PPP4R3B: variants seen among roughly 807,000 people sequenced by gnomAD.
The protein encoded by PPP4R3B is serine/threonine-protein phosphatase 4 regulatory subunit 3B.
In PPP4R3B, 52 loss-of-function variants were observed where a neutral mutation model predicts 95.4. The ratio of observed to expected loss-of-function variants is 0.54; its 90% CI spans 0.44 to 0.69. The LOEUF is 0.69. Ranked by LOEUF, PPP4R3B falls within the 30% of genes least tolerant of loss-of-function variation. The pLI, the probability that PPP4R3B is intolerant of heterozygous loss-of-function variation, is 0.00. For missense variants in PPP4R3B, 1,003 were observed against 1,005.9 expected (o/e 1.00, Z 0.04); for synonymous variants, 407 against 343.9 (o/e 1.18, Z -2.03).
chr2:55,564,397 T>C lies in PPP4R3B; in HGVS notation c.2176A>G (p.Lys726Glu). 2 of 1,613,964 alleles carry C rather than the reference T, an allele frequency of 1.2e-6. No homozygotes were observed. The highest frequency in any genetic ancestry group is 1.7e-6 in the Non-Finnish European group (2 of 1,179,916). ...TTTTCCACTGGTGCCACAACTGCTT[T>C]TCCTTCCTCTTCTTCATCTTCATTA... ...WFNEDEEEEG[K>E]AVVAPVEKPK... Residue 726 changes from lysine (K) to glutamate (E), a missense_variant, in exon 15 of 17, where the codon AAA becomes GAA. Lys to Glu is a moderately conservative substitution (Grantham distance 56). Transcript: ENST00000616407.
rs548269375 is a variant in PPP4R3B at position 55,581,096 on chromosome 2, T to C, written c.1365+471A>G. 1.6e-4 allele frequency among the ~76,000 whole-genome samples: 25 copies of C among 151,968 alleles called. 1 individual carries two copies. The East Asian group carries it at 4.6e-3, about 28-fold the overall frequency. On this transcript the variant is annotated intron_variant, in intron 8 of 16. Coordinates refer to ENST00000616407, the MANE Select transcript of PPP4R3B (RefSeq NM_001122964.3). ...GATGAAACCCCATCTCTACTAAAAA[T>C]ACAAAAATTAGCCAGGTGTGGTGGT...
intron 7 of PPP4R3B, among the ~76,000 whole-genome samples, chr2:55,582,867 G>C (rs1443197727): frequency 6.6e-6 from 1 of 152,008 alleles, no homozygotes; most frequent in Non-Finnish European, 1.5e-5. Flanking sequence ...TACTCATCCA[G>C]TCAGGTTCTG....
At chr2:55,595,599 T>G (rs1367863759) in intron 4 of PPP4R3B, among the ~76,000 whole-genome samples, 1 of 151,962 alleles carries the variant, frequency 6.6e-6, no homozygotes, top group Non-Finnish European at 1.5e-5. Context: ...GATCCAAAAT[T>G]TAAACTTTTA....
At chr2:55,571,012 T>C (rs755243292) in intron 12 of PPP4R3B, among the ~76,000 whole-genome samples, 12 of 152,144 alleles carry the variant, frequency 7.9e-5, no homozygotes, top group Non-Finnish European at 1.5e-4. Context: ...TATAAACATT[T>C]AAATATTGGA....
intron 16 of PPP4R3B, among the ~76,000 whole-genome samples, chr2:55,555,470 T>C (rs1051749438): frequency 6.6e-6 from 1 of 151,864 alleles, no homozygotes; most frequent in African/African-American, 2.4e-5. Context: ...AAAAAGCCCT[T>C]TGGGAGGCCG....
chr2:55,601,429 G>A (rs1422546920), intron 3 of PPP4R3B, among the ~76,000 whole-genome samples: 1 of 150,750 alleles, frequency 6.6e-6, no homozygotes, highest in Middle Eastern at 3.2e-3. Context: ...AGCCCAGGCT[G>A]GAGTGCAATG....
intron 13 of PPP4R3B, among the ~76,000 whole-genome samples, chr2:55,566,225 A>G (rs1251690329): frequency 6.6e-6 from 1 of 152,210 alleles, no homozygotes; most frequent in East Asian, 1.9e-4. Context: ...GTACTTCTCA[A>G]TTGAAAAAAA....
intron 2 of PPP4R3B, among the ~76,000 whole-genome samples, chr2:55,608,062 G>C: frequency 6.6e-6 from 1 of 152,298 alleles, no homozygotes; most frequent in Non-Finnish European, 1.5e-5. Flanking sequence ...TTGGAATGCA[G>C]TGGTGCAATC....
chr2:55,615,603 T>C, intron 1 of PPP4R3B, 97 bp from the exon 2 acceptor site: 1 of 777,752 alleles, frequency 1.3e-6, no homozygotes, highest in Non-Finnish European at 2.1e-6. Flanking sequence ...GGCTCACGTC[T>C]GTAATCCTAG....
At chr2:55,610,700 C>G (rs7562222) in intron 2 of PPP4R3B, among the ~76,000 whole-genome samples, 5 of 152,154 alleles carry the variant, frequency 3.3e-5, no homozygotes, top group South Asian at 4.1e-4. Context: ...AATGCTTTCA[C>G]GGGCTTTCAG....
chr2:55,571,200 C>T (rs1303559495), intron 12 of PPP4R3B, among the ~76,000 whole-genome samples: 1 of 151,860 alleles, frequency 6.6e-6, no homozygotes, highest in Non-Finnish European at 1.5e-5. Context: ...ATCCCAGCTA[C>T]TCGAAAGGCT....
At chr2:55,592,669 T>C (rs1297073960) in intron 4 of PPP4R3B, among the ~76,000 whole-genome samples, 1 of 152,172 alleles carries the variant, frequency 6.6e-6, no homozygotes, top group African/African-American at 2.4e-5. Flanking sequence ...GCTGGGCTAA[T>C]TTTAAGCTTA....
chr2:55,601,221 A>G (rs769392323), intron 3 of PPP4R3B, among the ~76,000 whole-genome samples: 10 of 151,704 alleles, frequency 6.6e-5, no homozygotes, highest in Admixed American at 2.0e-4. Flanking sequence ...TAGCTCAGTT[A>G]TAACAGATGC....
rs780417250 is a variant in PPP4R3B at position 55,579,756 on chromosome 2, T to C, written c.1391A>G (p.Asn464Ser). The change falls in exon 9 of 17, where the codon AAT becomes AGT. Residue 464 changes from asparagine (N) to serine (S), a missense_variant. Physicochemically the swap from Asn to Ser is conservative, Grantham distance 46 (BLOSUM62 1). Transcript: ENST00000616407. Reference sequence around the variant, plus strand: ...ATGCATACAATGGTTGTAGAAAAAATTTAGAAATTCACTTTTTTCGGTTTT... The same window carrying C: ...ATGCATACAATGGTTGTAGAAAAAACTTAGAAATTCACTTTTTTCGGTTTT... ...TNKTEKSEFL[N>S]FFYNHCMHVL... The C allele has an allele frequency of 6.2e-7, 1 of 1,606,550 alleles. No homozygotes were observed. The highest frequency in any genetic ancestry group is 1.1e-5 in the South Asian group (1 of 89,408).
At position 55,581,555 on chromosome 2, in the gene PPP4R3B, G is replaced by C; in HGVS notation, c.1365+12C>G. On this transcript the variant is annotated intron_variant, in intron 8 of 16. Transcript: ENST00000616407. Reference sequence around the variant, plus strand: ...TAGGCCAAAACATTTTTATCTCAGAGTAATTTCTTACATTAGTTGTAGCCA... The same window carrying C: ...TAGGCCAAAACATTTTTATCTCAGACTAATTTCTTACATTAGTTGTAGCCA... The C allele has an allele frequency of 1.2e-6, 2 of 1,604,570 alleles. No homozygotes were observed. The highest frequency in any genetic ancestry group is 1.7e-6 in the Non-Finnish European group (2 of 1,176,470).
intron 14 of PPP4R3B, 151 bp downstream of exon 14, chr2:55,564,751 G>A (rs1010880180): frequency 1.2e-6 from 1 of 836,818 alleles, no homozygotes; most frequent in Non-Finnish European, 1.8e-6. Context: ...AATGATATGG[G>A]GTAGGGGGGA....
At chr2:55,591,328 T>TG (rs35033560) in intron 4 of PPP4R3B, among the ~76,000 whole-genome samples, 14,032 of 151,032 alleles carry the variant, frequency 0.093, 2,227 homozygotes, top group African/African-American at 0.32. Flanking sequence ...TTTGTACAGA[T>TG]GGGGGGGTTT....
At chr2:55,579,834 C>G (rs998216452) in intron 8 of PPP4R3B, 53 bp from the exon 9 acceptor site, 58 of 1,188,244 alleles carry the variant, frequency 4.9e-5, no homozygotes, top group Admixed American at 6.3e-5. Flanking sequence ...ATAAAAACAT[C>G]TTCAAGATTA....
At chr2:55,595,688 C>A (rs1193478228) in intron 4 of PPP4R3B, among the ~76,000 whole-genome samples, 1 of 148,520 alleles carries the variant, frequency 6.7e-6, no homozygotes, top group African/African-American at 2.5e-5. Flanking sequence ...ACTCATTTAT[C>A]TTTTCTGGCA....
Sources: gnomAD v4.1 joint callset for allele counts (sites outside exome capture counted in the v4.1 genomes callset) on GRCh38, gnomAD v4.1.1 for gene constraint, MANE v1.5 for transcripts, NCBI Gene and HGNC (gene_info 2026-07-23, HGNC 2026-07-21) for gene names.